Variants in NKAIN3 observed in about 807,000 individuals in gnomAD.
The protein encoded by NKAIN3 is sodium/potassium-transporting ATPase subunit beta-1-interacting protein 3.
A neutral mutation model predicts 30.2 loss-of-function variants in NKAIN3; 25 were observed. The observed-to-expected ratio is 0.83, with a 90% CI of 0.60 to 1.16. NKAIN3 has a LOEUF of 1.16. Ranked by LOEUF, NKAIN3 falls within the 50% of genes most tolerant of loss-of-function variation. The pLI is 0.00. For missense variants in NKAIN3, 225 were observed against 254.1 expected (o/e 0.89, Z 0.78); for synonymous variants, 91 against 89.6 (o/e 1.02, Z -0.09).
intron 5 of NKAIN3, among the ~76,000 whole-genome samples, chr8:62,924,667 T>C (rs998167815): frequency 2.0e-5 from 3 of 152,194 alleles, no homozygotes; most frequent in African/African-American, 7.2e-5. Context: ...AATCATCAAA[T>C]GAAACATCTT....
At chr8:62,760,273 T>C (rs1484570273) in intron 4 of NKAIN3, among the ~76,000 whole-genome samples, 1 of 152,194 alleles carries the variant, frequency 6.6e-6, no homozygotes, top group Non-Finnish European at 1.5e-5. Context: ...ATCCCATTAC[T>C]GGGTATATAC....
At chr8:62,500,138 C>T (rs932774958) in intron 1 of NKAIN3, among the ~76,000 whole-genome samples, 33 of 152,108 alleles carry the variant, frequency 2.2e-4, no homozygotes, top group Non-Finnish European at 3.5e-4. Flanking sequence ...ATCCTCAACC[C>T]GTCTATTTTG....
chr8:62,876,476 G>A (rs1267236659), intron 4 of NKAIN3, among the ~76,000 whole-genome samples: 1 of 152,084 alleles, frequency 6.6e-6, no homozygotes, highest in Non-Finnish European at 1.5e-5. Flanking sequence ...TATACCCAAA[G>A]TAATATAAGT....
At chr8:62,280,331 T>C (rs1813136980) in intron 1 of NKAIN3, among the ~76,000 whole-genome samples, 1 of 152,206 alleles carries the variant, frequency 6.6e-6, no homozygotes, top group South Asian at 2.1e-4. Flanking sequence ...CAGGGACAAT[T>C]TGACTTCCTC....
chr8:62,267,043 C>A (rs146712025), intron 1 of NKAIN3, among the ~76,000 whole-genome samples: 1 of 152,204 alleles, frequency 6.6e-6, no homozygotes, highest in Non-Finnish European at 1.5e-5. Context: ...GAACCCAAAA[C>A]CTGCCAGGCT....
chr8:62,960,049 G>A (rs539415078), intron 6 of NKAIN3, among the ~76,000 whole-genome samples: 1 of 152,306 alleles, frequency 6.6e-6, no homozygotes, highest in East Asian at 1.9e-4. Context: ...CCATGTCATG[G>A]ACTACTGTAA....
At chr8:62,993,952 G>T (rs1804044910) in intron 5 of NKAIN3, among the ~76,000 whole-genome samples, 1 of 152,106 alleles carries the variant, frequency 6.6e-6, no homozygotes, top group Admixed American at 6.6e-5. Flanking sequence ...TCTAACTTCA[G>T]GTCACTGGTT....
At chr8:62,630,222 T>C (rs557373972) in intron 3 of NKAIN3, among the ~76,000 whole-genome samples, 2 of 152,192 alleles carry the variant, frequency 1.3e-5, no homozygotes, top group African/African-American at 2.4e-5. Context: ...CTGCAGGTCG[T>C]GGAATGCATC....
chr8:62,816,465 C>T lies in NKAIN3; in HGVS notation c.471+69336C>T, dbSNP rs144048301. 1.3e-3 allele frequency among the ~76,000 whole-genome samples: 199 copies of T among 152,202 alleles called. 1 individual carries two copies. Among genetic ancestry groups the T allele is most frequent in the Admixed American group, 3.5e-3 (53 of 15,284 alleles). On this transcript the variant is annotated intron_variant, in intron 4 of 6. Coordinates refer to ENST00000623646, the MANE Select transcript of NKAIN3 (RefSeq NM_001304533.3). ...GGCTCACTGTGGCAACAGTTGTCCCCAGGAGGGTTGGTTCTCAGGCTACTG... is the reference window on the plus strand; with the variant it reads ...GGCTCACTGTGGCAACAGTTGTCCCTAGGAGGGTTGGTTCTCAGGCTACTG...
chr8:62,858,646 C>T (rs983869723), intron 4 of NKAIN3, among the ~76,000 whole-genome samples: 1 of 152,244 alleles, frequency 6.6e-6, no homozygotes, highest in African/African-American at 2.4e-5. Context: ...TCTGGCAAAG[C>T]AGCTATGCTG....
At chr8:62,383,430 T>C (rs1033662074) in intron 1 of NKAIN3, 4 of 450,174 alleles carry the variant, frequency 8.9e-6, no homozygotes, top group Non-Finnish European at 1.8e-5. Context: ...TGCTCACTGT[T>C]ATTCCCTACT....
At chr8:62,772,006 T>C (rs1817028815) in intron 4 of NKAIN3, among the ~76,000 whole-genome samples, 1 of 152,088 alleles carries the variant, frequency 6.6e-6, no homozygotes, top group Admixed American at 6.6e-5. Flanking sequence ...CTAGATTTTA[T>C]TTATCCTATC....
chr8:62,513,996 T>C (rs947882725), intron 1 of NKAIN3, among the ~76,000 whole-genome samples: 1 of 149,538 alleles, frequency 6.7e-6, no homozygotes, highest in African/African-American at 2.5e-5. Flanking sequence ...AGGAGACAAA[T>C]GTGCATCGGT....
At chr8:62,810,172 T>A (rs764585005) in intron 4 of NKAIN3, among the ~76,000 whole-genome samples, 6 of 152,136 alleles carry the variant, frequency 3.9e-5, no homozygotes, top group Non-Finnish European at 5.9e-5. Context: ...GTAGTTTCCT[T>A]AGCTGCACGT....
At chr8:62,730,936 A>G (rs920321711) in intron 3 of NKAIN3, among the ~76,000 whole-genome samples, 8 of 152,214 alleles carry the variant, frequency 5.3e-5, no homozygotes, top group African/African-American at 1.9e-4. Context: ...GTAGGCTTCA[A>G]TCATTCCTTT....
intron 1 of NKAIN3, among the ~76,000 whole-genome samples, chr8:62,531,176 A>G (rs1808478424): frequency 6.6e-6 from 1 of 152,196 alleles, no homozygotes; most frequent in African/African-American, 2.4e-5. Flanking sequence ...TGTGGGACAC[A>G]TCAGCAAATA....
intron 1 of NKAIN3, among the ~76,000 whole-genome samples, chr8:62,395,529 GC>G (rs1415559141): frequency 6.6e-6 from 1 of 152,180 alleles, no homozygotes; most frequent in African/African-American, 2.4e-5. Flanking sequence ...ATTATTTTAA[GC>G]AAGAGACTTT....
chr8:62,630,861 T>G (rs1166248493), intron 3 of NKAIN3, among the ~76,000 whole-genome samples: 1 of 152,152 alleles, frequency 6.6e-6, no homozygotes. Flanking sequence ...CTCCCCCAAC[T>G]GCTAGATCTT....
intron 1 of NKAIN3, among the ~76,000 whole-genome samples, chr8:62,277,342 A>G (rs986849837): frequency 6.6e-6 from 1 of 152,044 alleles, no homozygotes; most frequent in Non-Finnish European, 1.5e-5. Flanking sequence ...GGCTTTTTTC[A>G]TTATTAAACT....
Sources: allele counts gnomAD v4.1 joint callset (sites outside exome capture counted in the v4.1 genomes callset), GRCh38; gene constraint gnomAD v4.1.1; transcripts MANE v1.5; gene names NCBI Gene and HGNC (gene_info 2026-07-23, HGNC 2026-07-21).